Variants in ST3GAL1 observed in about 807,000 individuals in gnomAD.
ST3GAL1 encodes ST3 beta-galactoside alpha-2,3-sialyltransferase 1, also known as CMP-N-acetylneuraminate-beta-galactosamide-alpha-2,3-sialyltransferase 1.
A neutral mutation model predicts 34.1 loss-of-function variants in ST3GAL1; 16 were observed. The ratio of observed to expected loss-of-function variants is 0.47; its 90% CI spans 0.32 to 0.71. The LOEUF (loss-of-function observed/expected upper bound fraction) is 0.71. Among genes scored for constraint, ST3GAL1 ranks in the 30% least tolerant of loss-of-function variants. The pLI is 0.04. For missense variants in ST3GAL1, 353 were observed against 447.4 expected, an observed-to-expected ratio of 0.79 and a Z score of 1.90; for synonymous variants, 191 against 184.7, an observed-to-expected ratio of 1.03 and a Z score of -0.28.
chr8:133,564,522 A>ACACACG (rs1819335285), intron 1 of ST3GAL1, among the ~76,000 whole-genome samples: 1 of 145,864 alleles, frequency 6.9e-6, no homozygotes, highest in African/African-American at 2.7e-5. Context: ...GAGAAAATAC[A>ACACACG]CACACACACA....
At chr8:133,541,436 C>T (rs1353721056) in intron 2 of ST3GAL1, among the ~76,000 whole-genome samples, 2 of 152,068 alleles carry the variant, frequency 1.3e-5, no homozygotes, top group Non-Finnish European at 2.9e-5. Context: ...TGATCAAGGT[C>T]TTCACAAGGA....
rs1815507675 is a variant in ST3GAL1 at position 133,461,607 on chromosome 8, G to A, written c.849+268C>T. Reference sequence around the variant, plus strand: ...TCCGCTTCTGTATCCGGAATCTGCTGCGAGATCCGAGCTTCCACCACCACG... The same window carrying A: ...TCCGCTTCTGTATCCGGAATCTGCTACGAGATCCGAGCTTCCACCACCACG... On this transcript the variant is annotated intron_variant, in intron 9 of 9. Transcript: ENST00000522652. The surrounding 1 kb of genome is among the most constrained non-coding windows in gnomAD (Gnocchi z 4.7). Among the ~76,000 whole-genome samples, 1 of 152,196 alleles carries A rather than the reference G, an allele frequency of 6.6e-6. No individual in the cohort carries two copies. Among genetic ancestry groups the A allele is most frequent in the Non-Finnish European group, 1.5e-5 (1 of 68,032 alleles).
At chr8:133,510,548 T>C (rs1364028043) in intron 2 of ST3GAL1, among the ~76,000 whole-genome samples, 1 of 152,238 alleles carries the variant, frequency 6.6e-6, no homozygotes, top group Non-Finnish European at 1.5e-5. Context: ...AAAATGGGAA[T>C]GCAAGTAAAA....
rs1586584834 is a variant in ST3GAL1 at position 133,464,855 on chromosome 8, G to T, written c.606C>A (p.Val202=). 6.2e-7 allele frequency: 1 copy of T among 1,614,116 alleles called. No individual in the cohort carries two copies. Among genetic ancestry groups the T allele is most frequent in the Non-Finnish European group, 8.5e-7 (1 of 1,180,002 alleles). The part of the protein sequence containing the change: ...PESFRELGDN[V]SMILVPFKTI... ...TCTTGAAGGGCACCAGGATCATGCTGACATTATCTCCCAGCTCCCGGAAGC... is the reference window on the plus strand; with the variant it reads ...TCTTGAAGGGCACCAGGATCATGCTTACATTATCTCCCAGCTCCCGGAAGC... Residue 202 remains valine, a synonymous_variant, in exon 7 of 10, where the codon GTC becomes GTA. Coordinates refer to ENST00000522652, the MANE Select transcript of ST3GAL1 (RefSeq NM_173344.3).
At chr8:133,464,321 T>A (rs1275039720) in intron 7 of ST3GAL1, among the ~76,000 whole-genome samples, 2 of 152,218 alleles carry the variant, frequency 1.3e-5, no homozygotes, top group Non-Finnish European at 2.9e-5. Flanking sequence ...ACAGCCGCGT[T>A]GCTCAGCACT....
intron 3 of ST3GAL1, among the ~76,000 whole-genome samples, chr8:133,476,951 C>T (rs1412668405): frequency 6.6e-6 from 1 of 152,252 alleles, no homozygotes; most frequent in Non-Finnish European, 1.5e-5. Flanking sequence ...TTGCCTTTCT[C>T]TCTACTTCAT....
chr8:133,551,910 A>G (rs2131087541), intron 1 of ST3GAL1, among the ~76,000 whole-genome samples: 1 of 152,352 alleles, frequency 6.6e-6, no homozygotes, highest in East Asian at 1.9e-4. Context: ...TTTGAAGGTG[A>G]GTAAATGGAG....
At chr8:133,539,014 C>T (rs1172348582) in intron 2 of ST3GAL1, among the ~76,000 whole-genome samples, 1 of 152,114 alleles carries the variant, frequency 6.6e-6, no homozygotes, top group East Asian at 1.9e-4. Context: ...GGGGTGAAAT[C>T]TATGTGTGTG....
At chr8:133,530,286 ATT>A (rs150108560) in intron 2 of ST3GAL1, among the ~76,000 whole-genome samples, 1 of 116,824 alleles carries the variant, frequency 8.6e-6, no homozygotes. Flanking sequence ...CTTTATTTTT[ATT>A]TTTTTTTTTT....
At chr8:133,482,544 C>T (rs1025411367) in intron 3 of ST3GAL1, among the ~76,000 whole-genome samples, 5 of 152,238 alleles carry the variant, frequency 3.3e-5, no homozygotes, top group Admixed American at 1.3e-4. Context: ...CCCACCCAAG[C>T]GGCCCCACTG....
At chr8:133,544,888 T>A (rs577371984) in intron 2 of ST3GAL1, among the ~76,000 whole-genome samples, 9 of 148,588 alleles carry the variant, frequency 6.1e-5, no homozygotes, top group African/African-American at 2.2e-4. Context: ...CTATACACAC[T>A]CACAGACATC....
intron 2 of ST3GAL1, among the ~76,000 whole-genome samples, chr8:133,542,117 G>A (rs200182381): frequency 1.4e-4 from 21 of 149,686 alleles, no homozygotes; most frequent in East Asian, 1.0e-3. Context: ...ACACACCCAC[G>A]CACACACAGA....
At chr8:133,546,361 TA>T (rs1818669811) in intron 1 of ST3GAL1, among the ~76,000 whole-genome samples, 5 of 151,806 alleles carry the variant, frequency 3.3e-5, no homozygotes, top group Admixed American at 3.3e-4. Context: ...CGCACACCTG[TA>T]GTCTCAGCTA....
At chr8:133,525,368 G>A (rs533484997) in intron 2 of ST3GAL1, among the ~76,000 whole-genome samples, 5 of 152,280 alleles carry the variant, frequency 3.3e-5, no homozygotes, top group African/African-American at 1.2e-4. Flanking sequence ...GGTTTTTATG[G>A]GCTCAGAAGG....
chr8:133,519,234 A>G (rs1380924768), intron 2 of ST3GAL1, among the ~76,000 whole-genome samples: 1 of 152,210 alleles, frequency 6.6e-6, no homozygotes, highest in African/African-American at 2.4e-5. Flanking sequence ...CTGTGATGCC[A>G]AGAAGGCACA....
intron 2 of ST3GAL1, among the ~76,000 whole-genome samples, chr8:133,507,423 G>A (rs1222476280): frequency 1.3e-5 from 2 of 152,282 alleles, no homozygotes; most frequent in East Asian, 3.8e-4. Flanking sequence ...TTTGGCCCAG[G>A]AGGGTTGGCT....
At chr8:133,540,894 GACATATATAT>G (rs1391782568) in intron 2 of ST3GAL1, among the ~76,000 whole-genome samples, 30 of 126,292 alleles carry the variant, frequency 2.4e-4, no homozygotes, top group Non-Finnish European at 4.4e-4. Context: ...CATATATATA[GACATATATAT>G]AGACATATAT....
chr8:133,531,218 TA>T (rs1818141957), intron 2 of ST3GAL1, among the ~76,000 whole-genome samples: 1 of 151,496 alleles, frequency 6.6e-6, no homozygotes, highest in Non-Finnish European at 1.5e-5. Flanking sequence ...GTATATGTAA[TA>T]TATATATAGC....
intron 2 of ST3GAL1, among the ~76,000 whole-genome samples, chr8:133,541,700 G>A (rs1244339547): frequency 1.3e-4 from 20 of 152,158 alleles, no homozygotes; most frequent in Admixed American, 1.2e-3. Context: ...TTGATCAAAA[G>A]CCGAGGGACA....
Sources: gnomAD v4.1 joint callset for allele counts (sites outside exome capture counted in the v4.1 genomes callset) on GRCh38, gnomAD v4.1.1 for gene constraint, Gnocchi (gnomAD v3.1) non-coding constraint, MANE v1.5 for transcripts, NCBI Gene and HGNC (gene_info 2026-07-23, HGNC 2026-07-21) for gene names.